USP28: variants seen among roughly 807,000 people sequenced by gnomAD.
The protein encoded by USP28 is ubiquitin carboxyl-terminal hydrolase 28.
A neutral mutation model predicts 145.0 loss-of-function variants in USP28; 113 were observed. The ratio of observed to expected loss-of-function variants is 0.78; its 90% CI spans 0.67 to 0.91. USP28 has a LOEUF of 0.91. USP28 is among the 40% of genes least tolerant of loss of function. The probability of loss-of-function intolerance (pLI) is 0.00; values close to 1 mark genes in which losing one functional copy is unlikely to be tolerated. For missense variants in USP28, 1,201 were observed against 1,289.6 expected (o/e 0.93, Z 1.05); for synonymous variants, 447 against 450.9 (o/e 0.99, Z 0.11).
intron 1 of USP28, among the ~76,000 whole-genome samples, chr11:113,862,266 G>GA (rs1947770111): frequency 6.6e-6 from 1 of 152,204 alleles, no homozygotes; most frequent in Non-Finnish European, 1.5e-5. Context: ...AGAATGGCTT[G>GA]AACCCAGGAG....
At chr11:113,863,079 A>G (rs566724863) in intron 1 of USP28, among the ~76,000 whole-genome samples, 1 of 152,318 alleles carries the variant, frequency 6.6e-6, no homozygotes, top group South Asian at 2.1e-4. Flanking sequence ...CACCTAAATT[A>G]TAAAGTATAA....
Position 113,813,878 on chromosome 11 carries a change from A to T in USP28, c.1743+7T>A. On this transcript the variant is annotated splice_region_variant and intron_variant, in intron 15 of 24. Coordinates refer to ENST00000003302, the Ensembl canonical transcript of USP28. ...CTTGACTACTTTCCCATCAATTTTC[A>T]TTCTACCTGACGAAGGAGAGGATCG... is the stretch of plus-strand genomic sequence containing the variant. 6.2e-7 allele frequency: 1 copy of T among 1,611,474 alleles called. No homozygotes were observed. Among genetic ancestry groups the T allele is most frequent in the Non-Finnish European group, 8.5e-7 (1 of 1,178,198 alleles).
chr11:113,815,310 A>C (rs770857211), exon 14 of USP28: 3 of 1,614,182 alleles, frequency 1.9e-6, no homozygotes, highest in Non-Finnish European at 2.5e-6. Context: ...TCAGTGGTTT[A>C]GACTTGGGTA....
At chr11:113,867,374 C>G (rs1457621875) in intron 1 of USP28, among the ~76,000 whole-genome samples, 2 of 151,978 alleles carry the variant, frequency 1.3e-5, no homozygotes, top group African/African-American at 2.4e-5. Context: ...TCAAGTGATT[C>G]TCCTGCCTCA....
At chr11:113,799,245 T>G (rs779162763) in exon 25 of USP28, 2 of 1,612,504 alleles carry the variant, frequency 1.2e-6, no homozygotes, top group Non-Finnish European at 1.7e-6. Flanking sequence ...GGAGCTTATT[T>G]CACTGTCACA....
At position 113,803,245 on chromosome 11, in the gene USP28, G is replaced by T; in HGVS notation, c.2775C>A (p.Tyr925Ter). 1.9e-6 allele frequency: 3 copies of T among 1,613,978 alleles called. No individual in the cohort carries two copies. Among genetic ancestry groups the T allele is most frequent in the Non-Finnish European group, 2.5e-6 (3 of 1,179,924 alleles). Residue 925 changes from tyrosine (Y) to a stop codon, truncating the protein, a stop_gained, in exon 23 of 25, where the codon TAC becomes TAA. Coordinates refer to ENST00000003302, the Ensembl canonical transcript of USP28. LOFTEE classifies it high-confidence loss of function. ...TCATCAGCAGGGCAGCATTGCTCTG[G>T]TAGGCATATACCAGGTAGGAAAGTG...
intron 1 of USP28, among the ~76,000 whole-genome samples, chr11:113,860,263 A>G (rs766538084): frequency 6.6e-6 from 1 of 152,176 alleles, no homozygotes; most frequent in Admixed American, 6.5e-5. Flanking sequence ...TCTGATGCAC[A>G]TATTTCCTGA....
chr11:113,804,427 A>T (rs1482945667), intron 21 of USP28, among the ~76,000 whole-genome samples: 5 of 152,252 alleles, frequency 3.3e-5, no homozygotes, highest in African/African-American at 1.2e-4. Flanking sequence ...ACTGCCTAGG[A>T]CAAGGCTAAA....
At chr11:113,853,937 A>G (rs1946761093) in intron 2 of USP28, among the ~76,000 whole-genome samples, 1 of 151,952 alleles carries the variant, frequency 6.6e-6, no homozygotes, top group African/African-American at 2.4e-5. Context: ...GGTTTTTTCA[A>G]TATCAGATAA....
chr11:113,846,987 T>C (rs1342110210), intron 3 of USP28, among the ~76,000 whole-genome samples: 1 of 152,148 alleles, frequency 6.6e-6, no homozygotes, highest in African/African-American at 2.4e-5. Context: ...AGAGCGAGCT[T>C]CCTTCTCAAA....
At chr11:113,827,383 G>A in intron 10 of USP28, 23 bp from the exon 11 acceptor site, 2 of 1,551,066 alleles carry the variant, frequency 1.3e-6, no homozygotes, top group Non-Finnish European at 1.7e-6. Flanking sequence ...GTAGAAATGT[G>A]AGAGAAAGAA....
chr11:113,839,306 G>T (rs762090500), intron 5 of USP28, among the ~76,000 whole-genome samples: 1 of 152,128 alleles, frequency 6.6e-6, no homozygotes, highest in Middle Eastern at 3.2e-3. Context: ...AACTGATTGT[G>T]GGGCATGGTG....
chr11:113,857,642 T>A (rs1555086736), intron 1 of USP28, among the ~76,000 whole-genome samples: 1 of 152,222 alleles, frequency 6.6e-6, no homozygotes, highest in Non-Finnish European at 1.5e-5. Flanking sequence ...AGTAAAAATG[T>A]TAAGAACATC....
intron 3 of USP28, among the ~76,000 whole-genome samples, chr11:113,847,012 T>C (rs930892096): frequency 1.3e-5 from 2 of 152,098 alleles, no homozygotes; most frequent in Admixed American, 6.6e-5. Context: ...AATAAATTAA[T>C]AAATAATCCA....
At chr11:113,860,781 T>C (rs1947589720) in intron 1 of USP28, among the ~76,000 whole-genome samples, 1 of 143,210 alleles carries the variant, frequency 7.0e-6, no homozygotes, top group East Asian at 2.1e-4. Flanking sequence ...ATTGCACCGC[T>C]GCACTCCAGC....
At chr11:113,799,187 T>C in exon 25 of USP28, 1 of 1,569,686 alleles carries the variant, frequency 6.4e-7, no homozygotes, top group East Asian at 2.3e-5. Context: ...AACGAACTTC[T>C]GTGCAAGAGG....
intron 1 of USP28, among the ~76,000 whole-genome samples, chr11:113,873,886 T>C (rs909702262): frequency 1.3e-5 from 2 of 152,208 alleles, no homozygotes; most frequent in Non-Finnish European, 2.9e-5. Context: ...TTCACGCCTG[T>C]AATCCCAGCA....
At chr11:113,809,018 C>A in intron 17 of USP28, 45 bp downstream of exon 17, 2 of 1,589,534 alleles carry the variant, frequency 1.3e-6, no homozygotes, top group Non-Finnish European at 1.7e-6. Flanking sequence ...GGGAGTACAG[C>A]ATGAGATGTT....
intron 7 of USP28, 61 bp from the exon 8 acceptor site, chr11:113,832,054 A>G (rs1944055869): frequency 1.5e-6 from 2 of 1,345,756 alleles, no homozygotes; most frequent in Non-Finnish European, 2.1e-6. Flanking sequence ...ATTAAAATTT[A>G]TCCTTATCCC....
Sources: gnomAD v4.1 joint callset for allele counts (sites outside exome capture counted in the v4.1 genomes callset) on GRCh38, gnomAD v4.1.1 for gene constraint, MANE v1.5 for transcripts, NCBI Gene and HGNC (gene_info 2026-07-23, HGNC 2026-07-21) for gene names.